Variants in ARSB observed in about 807,000 individuals in gnomAD.
ARSB encodes arylsulfatase B.
ARSB carries 41 observed loss-of-function variants against 50.9 expected under a neutral mutation model. The ratio of observed to expected loss-of-function variants is 0.81; its 90% CI spans 0.63 to 1.04. The LOEUF is 1.04. Ranked by LOEUF, ARSB falls within the 50% of genes least tolerant of loss-of-function variation. The probability of loss-of-function intolerance (pLI) is 0.00; values close to 1 mark genes in which losing one functional copy is unlikely to be tolerated. For missense variants in ARSB, 672 were observed against 693.3 expected, an observed-to-expected ratio of 0.97 and a Z score of 0.35; for synonymous variants, 269 against 284.8, an observed-to-expected ratio of 0.94 and a Z score of 0.56.
intron 4 of ARSB, among the ~76,000 whole-genome samples, chr5:78,933,445 A>G (rs1478413640): frequency 6.6e-6 from 1 of 152,124 alleles, no homozygotes; most frequent in Non-Finnish European, 1.5e-5. Context: ...CTTCACAGTC[A>G]CTCACAAGTC....
At chr5:78,979,568 G>A (rs1289936696) in intron 1 of ARSB, among the ~76,000 whole-genome samples, 1 of 152,208 alleles carries the variant, frequency 6.6e-6, no homozygotes, top group Admixed American at 6.5e-5. Context: ...CTCTTCCTAT[G>A]GCACCTGGGA....
intron 5 of ARSB, among the ~76,000 whole-genome samples, chr5:78,873,714 C>T (rs1194796931): frequency 6.6e-6 from 1 of 151,540 alleles, no homozygotes; most frequent in African/African-American, 2.4e-5. Context: ...CCGGGATGGT[C>T]TCGATCTCCT....
chr5:78,927,725 G>C (rs80134059), intron 4 of ARSB, among the ~76,000 whole-genome samples: 2,606 of 152,266 alleles, frequency 0.017, 78 homozygotes, highest in African/African-American at 0.06. Flanking sequence ...GAAAAGGCCA[G>C]AGGCAGCTTT....
chr5:78,815,347 T>C (rs778565911), intron 6 of ARSB, among the ~76,000 whole-genome samples: 11 of 150,766 alleles, frequency 7.3e-5, no homozygotes, highest in Non-Finnish European at 1.2e-4. Context: ...CCTGCTTTTT[T>C]CTATGAGACT....
At chr5:78,855,756 A>T (rs1487056038) in intron 5 of ARSB, among the ~76,000 whole-genome samples, 1 of 152,148 alleles carries the variant, frequency 6.6e-6, no homozygotes, top group African/African-American at 2.4e-5. Context: ...GTCTGTAGGT[A>T]TCCACGGTGT....
At chr5:78,840,383 G>T (rs1745149929) in intron 5 of ARSB, among the ~76,000 whole-genome samples, 1 of 152,184 alleles carries the variant, frequency 6.6e-6, no homozygotes, top group African/African-American at 2.4e-5. Context: ...AGGTGTCCCA[G>T]TGTCCACACG....
chr5:78,814,015 G>A (rs1371706018), intron 6 of ARSB, among the ~76,000 whole-genome samples: 2 of 138,226 alleles, frequency 1.4e-5, no homozygotes, highest in Non-Finnish European at 3.2e-5. Context: ...TAATCCATTT[G>A]GAAAGAATGA....
intron 4 of ARSB, among the ~76,000 whole-genome samples, chr5:78,939,777 A>T (rs1750814106): frequency 6.6e-6 from 1 of 152,164 alleles, no homozygotes; most frequent in South Asian, 2.1e-4. Flanking sequence ...CATGATTTAT[A>T]ATCCTTTGGG....
intron 4 of ARSB, among the ~76,000 whole-genome samples, chr5:78,913,933 A>C (rs1253513241): frequency 6.7e-6 from 1 of 149,412 alleles, no homozygotes; most frequent in East Asian, 1.9e-4. Flanking sequence ...AATAATTCAC[A>C]TTTTCCTCTT....
chr5:78,896,730 G>A (rs1052251769), intron 4 of ARSB, among the ~76,000 whole-genome samples: 6 of 152,144 alleles, frequency 3.9e-5, no homozygotes, highest in Admixed American at 1.3e-4. Context: ...GAAAAGTACT[G>A]AAATCAGAAG....
chr5:78,786,928 G>C (rs934969600), intron 6 of ARSB, among the ~76,000 whole-genome samples: 3 of 151,488 alleles, frequency 2.0e-5, no homozygotes. Flanking sequence ...TTTGTATATA[G>C]ATATCTCAGT....
At chr5:78,954,346 G>A (rs143554357) in intron 4 of ARSB, among the ~76,000 whole-genome samples, 10 of 152,234 alleles carry the variant, frequency 6.6e-5, no homozygotes, top group Non-Finnish European at 1.0e-4. Flanking sequence ...TCAGAAAACC[G>A]TCTCTAATGA....
intron 6 of ARSB, among the ~76,000 whole-genome samples, chr5:78,802,328 T>C (rs1046984661): frequency 6.6e-6 from 1 of 150,936 alleles, no homozygotes; most frequent in Admixed American, 6.6e-5. Flanking sequence ...ATTATATTTG[T>C]TAAATTAAAT....
intron 1 of ARSB, among the ~76,000 whole-genome samples, chr5:78,973,906 T>G (rs945923545): frequency 6.6e-6 from 1 of 152,198 alleles, no homozygotes; most frequent in African/African-American, 2.4e-5. Context: ...TACCTCCTGC[T>G]GCAGTACTTA....
chr5:78,806,613 C>T (rs1423729070), intron 6 of ARSB, among the ~76,000 whole-genome samples: 1 of 152,220 alleles, frequency 6.6e-6, no homozygotes, highest in Non-Finnish European at 1.5e-5. Context: ...CCTCCTCACC[C>T]TGCGCTTTGC....
intron 5 of ARSB, among the ~76,000 whole-genome samples, chr5:78,878,654 TA>T (rs1366860727): frequency 1.3e-5 from 2 of 152,188 alleles, no homozygotes; most frequent in African/African-American, 4.8e-5. Context: ...ATGGCATCTG[TA>T]AAATTGAGGT....
At chr5:78,984,792 G>A (rs1231928619) in intron 1 of ARSB, 145 bp downstream of exon 1, 18 of 572,116 alleles carry the variant, frequency 3.1e-5, no homozygotes, top group East Asian at 3.0e-4. Flanking sequence ...GCGAGGTTGG[G>A]GCGAGAAGCC....
At chr5:78,908,376 G>C (rs75597695) in intron 4 of ARSB, among the ~76,000 whole-genome samples, 21,150 of 150,846 alleles carry the variant, frequency 0.14, 1,606 homozygotes, top group Middle Eastern at 0.19. Context: ...AATTTAAGTG[G>C]TTTACCATAT....
In ARSB at chr5:78,885,722, G is replaced by C; in HGVS notation, c.1004C>G (p.Pro335Arg). ...CTTCACGCCCTTCTGCTTCAGCAAG[G>C]GGCTTGCCACAAAGCCCACCCCTCG... Reference protein sequence around the residue: ...GVRGVGFVASPLLKQKGVKNR... With the variant: ...GVRGVGFVASRLLKQKGVKNR... Residue 335 changes from proline to arginine, a missense_variant, in exon 5 of 8, where the codon CCC (proline) becomes CGC (arginine). By Grantham distance (103) the Pro-to-Arg change is moderately radical. Transcript: ENST00000264914. 1.9e-6 allele frequency: 3 copies of C among 1,614,018 alleles called. No homozygotes were observed. Among genetic ancestry groups the C allele is most frequent in the South Asian group, 1.1e-5 (1 of 91,068 alleles).
Sources: gnomAD v4.1 joint callset for allele counts (sites outside exome capture counted in the v4.1 genomes callset) on GRCh38, gnomAD v4.1.1 for gene constraint, MANE v1.5 for transcripts, NCBI Gene and HGNC (gene_info 2026-07-23, HGNC 2026-07-21) for gene names.